CACNA2D3: variants seen among roughly 807,000 people sequenced by gnomAD.
CACNA2D3 encodes calcium voltage-gated channel auxiliary subunit alpha2delta 3, also known as voltage-dependent calcium channel subunit alpha-2/delta-3.
In CACNA2D3, 60 loss-of-function variants were observed where a neutral mutation model predicts 160.6. That is an observed-to-expected ratio of 0.37 (90% confidence interval 0.30 to 0.46). The LOEUF (loss-of-function observed/expected upper bound fraction) is 0.46. CACNA2D3 is among the 20% of genes least tolerant of loss of function. The pLI is 1.00. For synonymous variants in CACNA2D3, 558 were observed against 492.9 expected (o/e 1.13, Z -1.75); for missense variants, 1,205 against 1,365.0 (o/e 0.88, Z 1.85).
chr3:54,877,061 G>A (rs1383474085), intron 18 of CACNA2D3: 1 of 152,142 alleles, frequency 6.6e-6, no homozygotes, highest in African/African-American at 2.4e-5. Context: ...TAAACCTACA[G>A]GCAGTTAAGA....
At chr3:54,368,019 G>A (rs893360630) in intron 3 of CACNA2D3, among the ~76,000 whole-genome samples, 2 of 152,174 alleles carry the variant, frequency 1.3e-5, no homozygotes, top group Non-Finnish European at 2.9e-5. Flanking sequence ...TAGCAGCTGT[G>A]ACTTATTAGA....
chr3:54,243,687 G>A (rs375967179), intron 2 of CACNA2D3, among the ~76,000 whole-genome samples: 7 of 152,154 alleles, frequency 4.6e-5, no homozygotes, highest in African/African-American at 1.2e-4. Flanking sequence ...TACATACAGC[G>A]TCCTGGAGGA....
At chr3:54,501,257 C>T (rs11706275) in intron 4 of CACNA2D3, among the ~76,000 whole-genome samples, 73,599 of 151,998 alleles carry the variant, frequency 0.48, 18,486 homozygotes, top group South Asian at 0.55. Context: ...TTCCTCCCTC[C>T]GGTTTCTTAT....
At chr3:54,827,111 C>T (rs907960411) in intron 14 of CACNA2D3, among the ~76,000 whole-genome samples, 2 of 152,224 alleles carry the variant, frequency 1.3e-5, no homozygotes, top group Non-Finnish European at 2.9e-5. Flanking sequence ...CACCCCAAAA[C>T]AAGAGTCTGA....
intron 13 of CACNA2D3, among the ~76,000 whole-genome samples, chr3:54,766,933 CA>C (rs34154838): frequency 0.034 from 4,177 of 123,662 alleles, 162 homozygotes; most frequent in African/African-American, 0.11. Context: ...ACTTACTTTA[CA>C]AAAAAAAAAA....
chr3:54,570,204 G>T, intron 8 of CACNA2D3, 100 bp downstream of exon 8: 1 of 1,238,872 alleles, frequency 8.1e-7, no homozygotes. Flanking sequence ...AGAGCATCTA[G>T]ATGCCAGAAC....
At chr3:54,263,717 G>A (rs1702446608) in intron 2 of CACNA2D3, among the ~76,000 whole-genome samples, 1 of 152,104 alleles carries the variant, frequency 6.6e-6, no homozygotes, top group Admixed American at 6.5e-5. Context: ...TTGGTGTGGT[G>A]GATTCTGCGC....
intron 21 of CACNA2D3, among the ~76,000 whole-genome samples, chr3:54,883,815 C>CTCTCTCTCTCTCTCTT (rs1428502988): frequency 3.5e-5 from 5 of 142,582 alleles, no homozygotes; most frequent in African/African-American, 5.3e-5. Flanking sequence ...CTCTCTCTCT[C>CTCTCTCTCTCTCTCTT]TCTCTCTCCT....
chr3:54,660,775 C>A (rs570058350), intron 11 of CACNA2D3, among the ~76,000 whole-genome samples: 2 of 152,200 alleles, frequency 1.3e-5, no homozygotes, highest in Admixed American at 6.5e-5. Context: ...ACCCTTCTCT[C>A]GGCCCAGAGC....
At chr3:54,415,846 C>T (rs1318881495) in intron 4 of CACNA2D3, among the ~76,000 whole-genome samples, 1 of 152,122 alleles carries the variant, frequency 6.6e-6, no homozygotes, top group Non-Finnish European at 1.5e-5. Context: ...AGCCATATTG[C>T]CTCAGAGGAC....
At chr3:54,827,506 G>A (rs1291520736) in intron 14 of CACNA2D3, among the ~76,000 whole-genome samples, 1 of 152,206 alleles carries the variant, frequency 6.6e-6, no homozygotes, top group Non-Finnish European at 1.5e-5. Flanking sequence ...TCTCCGTGCT[G>A]CTAAGCACAT....
At chr3:54,838,763 A>G in intron 16 of CACNA2D3, 115 bp downstream of exon 16, 3 of 772,504 alleles carry the variant, frequency 3.9e-6, no homozygotes, top group Admixed American at 3.9e-5. Context: ...CACCACTATT[A>G]CAGCCTGTTA....
chr3:55,028,182 T>A (rs2107172780), intron 35 of CACNA2D3, among the ~76,000 whole-genome samples: 1 of 152,312 alleles, frequency 6.6e-6, no homozygotes, highest in African/African-American at 2.4e-5. Flanking sequence ...TTGCTCTAAA[T>A]AGAAACCTTC....
chr3:54,573,063 C>G (rs1368328006), intron 8 of CACNA2D3, among the ~76,000 whole-genome samples: 1 of 151,950 alleles, frequency 6.6e-6, no homozygotes, highest in African/African-American at 2.4e-5. Context: ...ATTTTTTTAC[C>G]CCAAATTGTC....
intron 13 of CACNA2D3, among the ~76,000 whole-genome samples, chr3:54,798,173 A>G (rs1702906947): frequency 6.6e-6 from 1 of 152,196 alleles, no homozygotes; most frequent in African/African-American, 2.4e-5. Flanking sequence ...GTAATTCTTC[A>G]TTATGGCTAC....
At chr3:54,627,467 G>A (rs1462427150) in intron 9 of CACNA2D3, among the ~76,000 whole-genome samples, 1 of 152,186 alleles carries the variant, frequency 6.6e-6, no homozygotes, top group Non-Finnish European at 1.5e-5. Context: ...TCAGGAGCGG[G>A]AGAGTAGGGG....
At chr3:54,814,104 A>G (rs1559592410) in intron 13 of CACNA2D3, among the ~76,000 whole-genome samples, 2 of 152,070 alleles carry the variant, frequency 1.3e-5, no homozygotes, top group South Asian at 2.1e-4. Flanking sequence ...CCTGGACTCA[A>G]GCAATCTGCC....
At chr3:54,894,303 C>T (rs1384957741) in intron 25 of CACNA2D3, among the ~76,000 whole-genome samples, 1 of 152,210 alleles carries the variant, frequency 6.6e-6, no homozygotes, top group Non-Finnish European at 1.5e-5. Context: ...GGTTTCCCGG[C>T]AACTCAGTCC....
At chr3:54,981,722 G>A (rs1264627697) in intron 29 of CACNA2D3, among the ~76,000 whole-genome samples, 1 of 152,198 alleles carries the variant, frequency 6.6e-6, no homozygotes, top group Non-Finnish European at 1.5e-5. Context: ...TTTCCATTCT[G>A]GCCAGAGCAA....
Sources: gnomAD v4.1 joint callset for allele counts (sites outside exome capture counted in the v4.1 genomes callset) on GRCh38, gnomAD v4.1.1 for gene constraint, MANE v1.5 for transcripts, NCBI Gene and HGNC (gene_info 2026-07-23, HGNC 2026-07-21) for gene names.